CTDSPL: variants seen among roughly 807,000 people sequenced by gnomAD.
CTDSPL encodes the protein CTD small phosphatase like, also known as CTD small phosphatase-like protein.
Under a neutral mutation model 30.5 loss-of-function variants are expected in CTDSPL, and 8 were observed. That is an observed-to-expected ratio of 0.26 (90% CI 0.15 to 0.47). CTDSPL has a LOEUF of 0.47. Ranked by LOEUF, CTDSPL falls within the 20% of genes least tolerant of loss-of-function variation. The probability of loss-of-function intolerance (pLI) is 0.99; values close to 1 mark genes in which losing one functional copy is unlikely to be tolerated. For missense variants in CTDSPL, 248 were observed against 366.1 expected (o/e 0.68, Z 2.63); for synonymous variants, 110 against 137.9 (o/e 0.80, Z 1.42).
chr3:37,878,479 C>A (rs886822766), intron 1 of CTDSPL, among the ~76,000 whole-genome samples: 2 of 152,214 alleles, frequency 1.3e-5, no homozygotes, highest in African/African-American at 4.8e-5. Flanking sequence ...TATTAAAAAT[C>A]AATGACTATA....
At position 37,947,197 on chromosome 3, in the gene CTDSPL, G is replaced by A. The variant is rs1699049866; in HGVS notation, c.220G>A (p.Gly74Ser). The A allele has an allele frequency of 4.3e-6, 7 of 1,611,942 alleles. No homozygotes were observed. Among genetic ancestry groups the A allele is most frequent in the Non-Finnish European group, 5.9e-6 (7 of 1,179,842 alleles). Residue 74 changes from glycine to serine, a missense_variant, in exon 2 of 8, where the codon GGT (glycine) becomes AGT (serine). Gly to Ser is a moderately conservative substitution (Grantham distance 56). Around this residue, in one of 4 missense-constraint regions of CTDSPL, gnomAD observed 118 missense variants for 124.7 expected, o/e 0.95. Transcript: ENST00000273179. Reference protein sequence around the residue: ...SVLPPLVEENGGLQKGDQRQV... With the variant: ...SVLPPLVEENSGLQKGDQRQV... ...GCTTCCGCCACTGGTGGAGGAGAAT[G>A]GTGGGCTTCAGAAGGTCAGTACTGG...
At chr3:37,896,949 T>C (rs368620905) in intron 1 of CTDSPL, among the ~76,000 whole-genome samples, 12 of 152,306 alleles carry the variant, frequency 7.9e-5, no homozygotes, top group Middle Eastern at 3.4e-3. Flanking sequence ...ACACATCCTC[T>C]TGGTAGAGGG....
chr3:37,974,324 G>A (rs1040040437), intron 6 of CTDSPL, among the ~76,000 whole-genome samples: 1 of 152,210 alleles, frequency 6.6e-6, no homozygotes, highest in Admixed American at 6.5e-5. Flanking sequence ...ATGTTCCCAC[G>A]GAATCATAGC....
chr3:37,969,497 A>T (rs774897357), intron 5 of CTDSPL: 4 of 473,430 alleles, frequency 8.4e-6, no homozygotes, highest in Non-Finnish European at 1.3e-5. Context: ...GGACGCCGGC[A>T]TCCGGGCTCA....
intron 7 of CTDSPL, among the ~76,000 whole-genome samples, chr3:37,979,789 A>G (rs1699469391): frequency 6.6e-6 from 1 of 152,138 alleles, no homozygotes; most frequent in African/African-American, 2.4e-5. Context: ...ACTTGAAGTA[A>G]TTGTGTGGTT....
chr3:37,913,100 C>T (rs1464214676), intron 1 of CTDSPL, among the ~76,000 whole-genome samples: 2 of 152,164 alleles, frequency 1.3e-5, no homozygotes, highest in Non-Finnish European at 2.9e-5. Flanking sequence ...GCAGGCAAAT[C>T]GCTAGAGCCC....
chr3:37,876,747 C>G (rs1698138720), intron 1 of CTDSPL, among the ~76,000 whole-genome samples: 1 of 150,234 alleles, frequency 6.7e-6, no homozygotes, highest in East Asian at 1.9e-4. Flanking sequence ...TTTTCCCAGT[C>G]TATGGTTTAT....
At position 37,862,112 on chromosome 3, in the gene CTDSPL, G is replaced by GCCGCGCCC. The variant is rs1347061434; in HGVS notation, c.-77_-70dup. ...GCAGCGGCTGCGAGCGCCCCCCCGC[G>GCCGCGCCC]CCGCGCCCCCGCGCCCCCCGCGCCG... On this transcript the variant is annotated 5_prime_UTR_variant, in exon 1 of 8. Coordinates refer to ENST00000273179, the MANE Select transcript of CTDSPL (RefSeq NM_001008392.2). This position sits in a 1 kb window ranked among gnomAD's most constrained non-coding sequence, Gnocchi z 4.3. The GCCGCGCCC allele has an allele frequency of 1.6e-5, 7 of 441,366 alleles. No individual in the cohort carries two copies. In the South Asian group the frequency reaches 5.8e-4, roughly 36 times the overall value. 27.3% of individuals were successfully genotyped at this position (441,366 alleles called of 1,614,324 possible).
chr3:37,889,631 ACT>A (rs1326872645), intron 1 of CTDSPL, among the ~76,000 whole-genome samples: 2 of 152,144 alleles, frequency 1.3e-5, no homozygotes, highest in African/African-American at 2.4e-5. Flanking sequence ...AGGTCAAGAC[ACT>A]CTATTTTGAA....
At chr3:37,890,183 T>TCAACGTATGCGCGCACACC (rs1278288729) in intron 1 of CTDSPL, among the ~76,000 whole-genome samples, 5 of 152,172 alleles carry the variant, frequency 3.3e-5, no homozygotes, top group African/African-American at 1.2e-4. Flanking sequence ...GCATGCACAC[T>TCAACGTATGCGCGCACACC]CAACGTATGC....
Position 37,982,541 on chromosome 3 carries a change from C to A in CTDSPL, c.*1674C>A, listed in dbSNP as rs1397163386. On this transcript the variant is annotated 3_prime_UTR_variant, in exon 8 of 8. Coordinates refer to ENST00000273179, the MANE Select transcript of CTDSPL (RefSeq NM_001008392.2). ...GAAATCGGGGGTCAAAGTAAAATATCTTTGTTTTGCTTTCATTCACAAAGT... is the reference window on the plus strand; with the variant it reads ...GAAATCGGGGGTCAAAGTAAAATATATTTGTTTTGCTTTCATTCACAAAGT... The A allele has an allele frequency of 1.5e-5, 7 of 456,502 alleles. No individual in the cohort carries two copies. Among genetic ancestry groups the A allele is most frequent in the African/African-American group, 8.0e-5 (4 of 50,080 alleles). The allele number at this position is 456,502 out of a possible 1,614,324, so 28.3% of individuals were successfully genotyped here. A position where few individuals can be genotyped will look rare whatever the true frequency, so the allele number is the denominator to read the frequency against.
intron 1 of CTDSPL, among the ~76,000 whole-genome samples, chr3:37,867,282 G>A (rs1247156966): frequency 1.3e-5 from 2 of 152,036 alleles, no homozygotes; most frequent in African/African-American, 4.8e-5. Flanking sequence ...GTTGTTCCTT[G>A]TATTAATCTT....
chr3:37,954,410 C>T (rs532063559), intron 2 of CTDSPL: 1 of 152,336 alleles, frequency 6.6e-6, no homozygotes, highest in South Asian at 2.1e-4. Flanking sequence ...AGAGCCCTGT[C>T]AGAGTAGGGC....
At chr3:37,867,737 A>T (rs1405289664) in intron 1 of CTDSPL, among the ~76,000 whole-genome samples, 1 of 152,200 alleles carries the variant, frequency 6.6e-6, no homozygotes, top group Non-Finnish European at 1.5e-5. Context: ...CCTAACGCTA[A>T]CGTCTTATAT....
Position 37,861,889 on chromosome 3 carries a change from T to G in CTDSPL, c.-311T>G. The G allele has an allele frequency of 1.1e-5, 1 of 91,382 alleles. No homozygotes were observed. The highest frequency in any genetic ancestry group is 1.2e-4 in the Admixed American group (1 of 8,240). The allele number at this position is 91,382 out of a possible 1,614,324, so 5.7% of individuals were successfully genotyped here. A position where few individuals can be genotyped will look rare whatever the true frequency, so the allele number is the denominator to read the frequency against. On this transcript the variant is annotated 5_prime_UTR_variant, in exon 1 of 8. Coordinates refer to ENST00000273179, the MANE Select transcript of CTDSPL (RefSeq NM_001008392.2). ...CCCGCCCTCGCTCGCTCCTTCCCCC[T>G]CGCCCGCCCGCTCCCGCTTCCAGCG...
intron 2 of CTDSPL, 70 bp from the exon 3 acceptor site, chr3:37,957,041 T>C: frequency 7.7e-7 from 1 of 1,295,940 alleles, no homozygotes; most frequent in Non-Finnish European, 1.1e-6. Context: ...CAAGAGGGCT[T>C]TGAAGTTTCT....
chr3:37,924,474 G>A (rs927867354), intron 1 of CTDSPL, among the ~76,000 whole-genome samples: 1 of 152,196 alleles, frequency 6.6e-6, no homozygotes, highest in Non-Finnish European at 1.5e-5. Context: ...CAACAATGGT[G>A]TACAAGAGGG....
intron 1 of CTDSPL, among the ~76,000 whole-genome samples, chr3:37,923,266 AT>A (rs1237790973): frequency 6.6e-6 from 1 of 152,152 alleles, no homozygotes; most frequent in Non-Finnish European, 1.5e-5. Flanking sequence ...TGGTATCCAC[AT>A]TTCTGGTGTT....
chr3:37,864,289 C>G (rs1254623390), intron 1 of CTDSPL, among the ~76,000 whole-genome samples: 2 of 152,228 alleles, frequency 1.3e-5, no homozygotes, highest in East Asian at 3.8e-4. Flanking sequence ...CCCTTTTCCT[C>G]TAGGTGCTAG....
Sources: gnomAD v4.1 joint callset for allele counts (sites outside exome capture counted in the v4.1 genomes callset) on GRCh38, gnomAD v4.1.1 for gene constraint, gnomAD v4.1.1 regional missense constraint, Gnocchi (gnomAD v3.1) non-coding constraint, MANE v1.5 for transcripts, NCBI Gene and HGNC (gene_info 2026-07-23, HGNC 2026-07-21) for gene names.